Variants in TATDN2 observed in about 807,000 individuals in gnomAD.
TATDN2 encodes TatD DNase domain containing 2, also known as 3'-5' RNA nuclease TATDN2.
Under a neutral mutation model 60.3 loss-of-function variants are expected in TATDN2, and 44 were observed. That is an observed-to-expected ratio of 0.73 (90% CI 0.57 to 0.94). TATDN2 has a LOEUF of 0.94. Among genes scored for constraint, TATDN2 ranks in the 40% least tolerant of loss-of-function variants. TATDN2 has a pLI of 0.00. For synonymous variants in TATDN2, 399 were observed against 355.8 expected (o/e 1.12, Z -1.37); for missense variants, 997 against 948.0 (o/e 1.05, Z -0.68).
At chr3:10,263,986 G>C (rs1698443321) in intron 3 of TATDN2, among the ~76,000 whole-genome samples, 1 of 152,208 alleles carries the variant, frequency 6.6e-6, no homozygotes, top group Non-Finnish European at 1.5e-5. Flanking sequence ...TGGGAGCTGG[G>C]TAGCGAAAGG....
chr3:10,276,202 TG>T (rs1698634384), intron 4 of TATDN2, among the ~76,000 whole-genome samples, 158 bp from the exon 5 acceptor site: 1 of 152,240 alleles, frequency 6.6e-6, no homozygotes, highest in Non-Finnish European at 1.5e-5. Context: ...GGGCACTACC[TG>T]GCTCTATTGT....
intron 2 of TATDN2, among the ~76,000 whole-genome samples, chr3:10,253,297 G>A (rs139722757): frequency 1.3e-5 from 2 of 152,286 alleles, no homozygotes; most frequent in African/African-American, 2.4e-5. Context: ...TACTGTGCCT[G>A]GCCTTGCTCT....
Position 10,249,259 on chromosome 3 carries a change from C to A in TATDN2, c.59C>A (p.Pro20His). ...HNWSSTSEGC[P>H]RKRSCLREPC... ...TGGAGCAGCACGTCGGAAGGGTGTCCCCGCAAGCGCAGCTGCCTCCGGGAG... is the reference window on the plus strand; with the variant it reads ...TGGAGCAGCACGTCGGAAGGGTGTCACCGCAAGCGCAGCTGCCTCCGGGAG... The change falls in exon 2 of 8, where the codon CCC becomes CAC. Residue 20 changes from proline (P) to histidine (H), a missense_variant. By Grantham distance (77) the Pro-to-His change is moderately conservative. Transcript: ENST00000448281. 1 of 1,571,738 alleles carries A rather than the reference C, an allele frequency of 6.4e-7. No homozygotes were observed. Among genetic ancestry groups the A allele is most frequent in the Non-Finnish European group, 8.6e-7 (1 of 1,157,634 alleles).
In TATDN2 at chr3:10,249,538, G is replaced by C; in HGVS notation, c.338G>C (p.Gly113Ala). 1 of 1,594,362 alleles carries C rather than the reference G, an allele frequency of 6.3e-7. No individual in the cohort carries two copies. Among genetic ancestry groups the C allele is most frequent in the Non-Finnish European group, 8.5e-7 (1 of 1,170,948 alleles). The change falls in exon 2 of 8, where the codon GGG becomes GCG. Residue 113 changes from glycine (G) to alanine (A), a missense_variant. Transcript: ENST00000448281. ...AACACTCGGGGGTTCCTGTCTTCAG[G>C]GGGATCCCCTCTGCGTCCTGCCAAC... ...IRNTRGFLSSGGSPLRPANAS... is the reference protein window; with the variant it reads ...IRNTRGFLSSAGSPLRPANAS...
Position 10,262,366 on chromosome 3 carries a change from C to G in TATDN2, c.948+1696C>G, listed in dbSNP as rs188582860. Among the ~76,000 whole-genome samples the G allele has an allele frequency of 2.1e-3, 326 of 152,214 alleles. 2 individuals are homozygous for G. Among genetic ancestry groups the G allele is most frequent in the Non-Finnish European group, 3.1e-3 (209 of 68,024 alleles). The stretch of plus-strand genomic sequence containing the variant: ...GGTGGAATACTTTTTCTAGTAGCTT[C>G]TTGAGAAAGGGTACATGGAGAAACT... On this transcript the variant is annotated intron_variant, in intron 3 of 7. Transcript: ENST00000448281.
At chr3:10,268,961 C>T (rs1405358198) in intron 3 of TATDN2, among the ~76,000 whole-genome samples, 1 of 152,110 alleles carries the variant, frequency 6.6e-6, no homozygotes, top group African/African-American at 2.4e-5. Context: ...TACTGTGGGT[C>T]AGGAATTTGG....
At chr3:10,263,870 A>G (rs1465750066) in intron 3 of TATDN2, among the ~76,000 whole-genome samples, 1 of 152,150 alleles carries the variant, frequency 6.6e-6, no homozygotes, top group Non-Finnish European at 1.5e-5. Flanking sequence ...TGATCGGGAG[A>G]ATATAACCCT....
Position 10,280,179 on chromosome 3 carries a change from C to T in TATDN2, c.*997C>T, listed in dbSNP as rs915903646. ...AATTCTCCGAAGCTCTGCTGGGCAG[C>T]TCAGCCATGTTACATTGTCTATGCA... On this transcript the variant is annotated 3_prime_UTR_variant, in exon 8 of 8. Transcript: ENST00000448281. The T allele has an allele frequency of 1.3e-5, 2 of 153,822 alleles. No individual in the cohort carries two copies. The highest frequency in any genetic ancestry group is 2.9e-5 in the Non-Finnish European group (2 of 68,096). 9.5% of individuals were successfully genotyped at this position (153,822 alleles called of 1,614,324 possible). A position where few individuals can be genotyped will look rare whatever the true frequency, so the allele number is the denominator to read the frequency against.
In TATDN2 at chr3:10,260,479, A is replaced by T; in HGVS notation, c.757A>T (p.Thr253Ser). 6.2e-7 allele frequency: 1 copy of T among 1,613,998 alleles called. No homozygotes were observed. Among genetic ancestry groups the T allele is most frequent in the Non-Finnish European group, 8.5e-7 (1 of 1,179,910 alleles). Residue 253 changes from threonine to serine, a missense_variant, in exon 3 of 8, where the codon ACC becomes TCC. By Grantham distance (58) the Thr-to-Ser change is moderately conservative. Transcript: ENST00000448281. ...TGCTGCTCAGAAGGAGAAAGACGCA[A>T]CCCCAGAGGTCAGCATGGAGGAGGA... ...VTAAQKEKDATPEVSMEEDKT... is the reference protein window; with the variant it reads ...VTAAQKEKDASPEVSMEEDKT...
Position 10,274,078 on chromosome 3 carries a change from A to G in TATDN2, c.1834-2283A>G, listed in dbSNP as rs1329679800. 2.6e-5 allele frequency among the ~76,000 whole-genome samples: 4 copies of G among 152,242 alleles called. No individual in the cohort carries two copies. The South Asian group carries it at 8.3e-4, about 31-fold the overall frequency. ...ATCAGTTAGGAAGCCAACCTTATGC[A>G]GGTAGAAGTGAGTAATTATACTGGG... On this transcript the variant is annotated intron_variant, in intron 4 of 7. Coordinates refer to ENST00000448281, the MANE Select transcript of TATDN2 (RefSeq NM_014760.4).
In TATDN2 at chr3:10,270,453, C is replaced by T. The variant is rs749050163; in HGVS notation, c.1271C>T (p.Thr424Ile). 46 of 1,614,100 alleles carry T rather than the reference C, an allele frequency of 2.8e-5. No individual in the cohort carries two copies. The highest frequency in any genetic ancestry group is 4.0e-5 in the African/African-American group (3 of 74,930). The change falls in exon 4 of 8, where the codon ACA becomes ATA. Residue 424 changes from threonine to isoleucine, a missense_variant. By Grantham distance (89) the Thr-to-Ile change is moderately conservative. Transcript: ENST00000448281. Reference sequence around the variant, plus strand: ...ATGAGTGATTATTCCCCCAACTCTACAGGGAGTGTCCAAAACACCTCCAGA... The same window carrying T: ...ATGAGTGATTATTCCCCCAACTCTATAGGGAGTGTCCAAAACACCTCCAGA... ...SRMSDYSPNS[T>I]GSVQNTSRDM...
At position 10,279,081 on chromosome 3, in the gene TATDN2, C is replaced by G; in HGVS notation, c.*38+18C>G. On this transcript the variant is annotated intron_variant, in intron 7 of 7. Transcript: ENST00000448281. ...TAGAAAAGGTCGTAAAACTCACATT[C>G]TGTATTTTTTAAAAACCAGGACAAG... 1.9e-6 allele frequency: 3 copies of G among 1,575,324 alleles called. No individual in the cohort carries two copies. Among genetic ancestry groups the G allele is most frequent in the Non-Finnish European group, 2.6e-6 (3 of 1,162,372 alleles).
intron 3 of TATDN2, among the ~76,000 whole-genome samples, chr3:10,263,928 A>G (rs960963632): frequency 6.6e-6 from 1 of 152,112 alleles, no homozygotes; most frequent in African/African-American, 2.4e-5. Context: ...GAGACTGGTC[A>G]CCTTGCCCAG....
intron 4 of TATDN2, among the ~76,000 whole-genome samples, chr3:10,273,692 T>G (rs1354832084): frequency 6.6e-6 from 1 of 152,116 alleles, no homozygotes; most frequent in African/African-American, 2.4e-5. Context: ...TTGATGTACC[T>G]AAAATTTTCT....
intron 4 of TATDN2, among the ~76,000 whole-genome samples, chr3:10,272,938 C>T (rs1327911048): frequency 1.3e-5 from 2 of 148,808 alleles, no homozygotes; most frequent in African/African-American, 5.0e-5. Context: ...ACTCAGGAGG[C>T]TGAGGCAGGA....
chr3:10,253,493 A>G (rs1698260442), intron 2 of TATDN2, among the ~76,000 whole-genome samples: 4 of 152,182 alleles, frequency 2.6e-5, no homozygotes, highest in Admixed American at 6.5e-5. Flanking sequence ...ACAGTTGGAG[A>G]TGTTTCATGT....
chr3:10,262,527 C>CTTTTTTTTTTT lies in TATDN2; in HGVS notation c.948+1871_948+1881dup, dbSNP rs60747520. Among the ~76,000 whole-genome samples the CTTTTTTTTTTT allele has an allele frequency of 1.0e-4, 6 of 59,984 alleles. 2 individuals carry two copies. The highest frequency in any genetic ancestry group is 2.2e-4 in the African/African-American group (3 of 13,632). The allele number at this position is 59,984 out of a possible 152,430, so 39.4% of individuals were successfully genotyped here. A position where few individuals can be genotyped will look rare whatever the true frequency, so the allele number is the denominator to read the frequency against. ...AAGGCATTGCTCCTTTTCTTCTGGG[C>CTTTTTTTTTTT]TTTTTTTTTTTTTTTTTTTTTTTTG... On this transcript the variant is annotated intron_variant, in intron 3 of 7. Coordinates refer to ENST00000448281, the MANE Select transcript of TATDN2 (RefSeq NM_014760.4).
intron 2 of TATDN2, among the ~76,000 whole-genome samples, chr3:10,258,713 A>G (rs141620597): frequency 3.2e-3 from 476 of 150,688 alleles, no homozygotes; most frequent in African/African-American, 0.011. Context: ...CAGGTGATCC[A>G]CTTGCCTCGG....
Position 10,276,474 on chromosome 3 carries a change from C to G in TATDN2, c.1947C>G (p.Asp649Glu). 1 of 1,613,960 alleles carries G rather than the reference C, an allele frequency of 6.2e-7. No homozygotes were observed. Reference protein sequence around the residue: ...LEIMKKFVPPDYKIHRHCFTG... With the variant: ...LEIMKKFVPPEYKIHRHCFTG... Reference sequence around the variant, plus strand: ...TCATGAAAAAGTTTGTGCCCCCTGACTACAAGATCCATAGGTTAGAAGACT... The same window carrying G: ...TCATGAAAAAGTTTGTGCCCCCTGAGTACAAGATCCATAGGTTAGAAGACT... Residue 649 changes from aspartate (D) to glutamate (E), a missense_variant, in exon 5 of 8, where the codon GAC (aspartate) becomes GAG (glutamate). Asp to Glu is a conservative substitution (Grantham distance 45). Coordinates refer to ENST00000448281, the MANE Select transcript of TATDN2 (RefSeq NM_014760.4).
Sources: allele counts gnomAD v4.1 joint callset (sites outside exome capture counted in the v4.1 genomes callset), GRCh38; gene constraint gnomAD v4.1.1; transcripts MANE v1.5; gene names NCBI Gene and HGNC (gene_info 2026-07-23, HGNC 2026-07-21).